The following SUMF1 variants were observed in gnomAD, a reference collection of about 807,000 sequenced individuals.
SUMF1 encodes the protein formylglycine-generating enzyme.
Under a neutral mutation model 47.6 loss-of-function variants are expected in SUMF1, and 48 were observed. The ratio of observed to expected loss-of-function variants is 1.01; its 90% CI spans 0.80 to 1.28. The LOEUF (loss-of-function observed/expected upper bound fraction) is 1.28, where lower values mean the gene tolerates loss of function less well. Among genes scored for constraint, SUMF1 ranks in the 50% most tolerant of loss-of-function variants. SUMF1 has a pLI of 0.00. For synonymous variants in SUMF1, 230 were observed against 192.1 expected (o/e 1.20, Z -1.63); for missense variants, 571 against 485.4 (o/e 1.18, Z -1.66).
At chr3:4,135,735 C>G (rs952222317) in intron 8 of SUMF1, among the ~76,000 whole-genome samples, 3 of 152,292 alleles carry the variant, frequency 2.0e-5, no homozygotes, top group Middle Eastern at 3.4e-3. Context: ...CCCATCATCT[C>G]AGCCCAAAAT....
intron 8 of SUMF1, among the ~76,000 whole-genome samples, chr3:4,207,801 A>G (rs1695685770): frequency 6.6e-6 from 1 of 152,182 alleles, no homozygotes; most frequent in African/African-American, 2.4e-5. Context: ...ACAGAAAACC[A>G]CAACTTACTA....
chr3:4,055,967 A>C (rs1695185694), intron 9 of SUMF1, among the ~76,000 whole-genome samples: 1 of 152,122 alleles, frequency 6.6e-6, no homozygotes, highest in Non-Finnish European at 1.5e-5. Context: ...CAGCAATAAC[A>C]GGCCAAGACT....
chr3:4,313,429 C>G (rs761704598), intron 8 of SUMF1: 1 of 1,613,820 alleles, frequency 6.2e-7, no homozygotes, highest in African/African-American at 1.3e-5. Flanking sequence ...TGAGCCAAAC[C>G]TTTTGATGAT....
chr3:4,064,032 G>A (rs1346799222), intron 9 of SUMF1, among the ~76,000 whole-genome samples: 1 of 152,102 alleles, frequency 6.6e-6, no homozygotes, highest in African/African-American at 2.4e-5. Context: ...AACTGAGGGT[G>A]AGATAATGGC....
intron 8 of SUMF1, among the ~76,000 whole-genome samples, chr3:4,261,137 AC>A (rs1427773132): frequency 6.6e-6 from 1 of 152,212 alleles, no homozygotes; most frequent in African/African-American, 2.4e-5. Flanking sequence ...GGAAACAAAC[AC>A]ATCTCAAGAG....
chr3:4,267,561 C>T (rs1485386844), intron 8 of SUMF1, among the ~76,000 whole-genome samples: 1 of 151,978 alleles, frequency 6.6e-6, no homozygotes, highest in Non-Finnish European at 1.5e-5. Context: ...TCTGTGGGAT[C>T]GGTGGTGGGC....
intron 8 of SUMF1, among the ~76,000 whole-genome samples, chr3:4,161,144 T>C (rs918245677): frequency 6.6e-6 from 1 of 152,142 alleles, no homozygotes; most frequent in Non-Finnish European, 1.5e-5. Context: ...AGACAGAGAC[T>C]CTTGTTCTCT....
intron 7 of SUMF1, among the ~76,000 whole-genome samples, chr3:4,392,439 A>T (rs1700898026): frequency 6.6e-6 from 1 of 151,904 alleles, no homozygotes; most frequent in Admixed American, 6.6e-5. Context: ...TTAAATACTC[A>T]TCTTCTTTAG....
chr3:4,057,436 A>G (rs993718905), intron 9 of SUMF1, among the ~76,000 whole-genome samples: 2 of 152,144 alleles, frequency 1.3e-5, no homozygotes, highest in Non-Finnish European at 2.9e-5. Context: ...AAGGAAGGAC[A>G]TGGGTAAATC....
intron 8 of SUMF1, among the ~76,000 whole-genome samples, chr3:4,129,226 G>A (rs1693729188): frequency 6.6e-6 from 1 of 152,046 alleles, no homozygotes; most frequent in African/African-American, 2.4e-5. Context: ...AATACAATGG[G>A]AAGAATTGGA....
chr3:4,413,663 G>A (rs1400455440), intron 6 of SUMF1, among the ~76,000 whole-genome samples: 2 of 151,878 alleles, frequency 1.3e-5, no homozygotes, highest in Non-Finnish European at 2.9e-5. Flanking sequence ...ATTAATCATT[G>A]TGTAACAAGC....
At chr3:4,215,710 A>C (rs1198099028) in intron 8 of SUMF1, among the ~76,000 whole-genome samples, 2 of 152,202 alleles carry the variant, frequency 1.3e-5, no homozygotes, top group South Asian at 4.1e-4. Flanking sequence ...AGGATACAAA[A>C]TCAATGTGCA....
In SUMF1 at chr3:4,207,417, G is replaced by T. The variant is rs181574966; in HGVS notation, c.1015-138672C>A. On this transcript the variant is annotated intron_variant and NMD_transcript_variant, in intron 8 of 12. Coordinates refer to the SUMF1 transcript ENST00000448413. ...TTTTTGTATCCTTTCAAATCTTAGGGTGAGAAAGCATTCAGGCTTTTAATA... is the reference window on the plus strand; with the variant it reads ...TTTTTGTATCCTTTCAAATCTTAGGTTGAGAAAGCATTCAGGCTTTTAATA... Among the ~76,000 whole-genome samples the T allele has an allele frequency of 9.9e-4, 151 of 152,256 alleles. 3 individuals are homozygous for T. The South Asian group carries it at 0.03, about 31-fold the overall frequency.
chr3:4,245,706 C>A (rs1025734548), intron 8 of SUMF1, among the ~76,000 whole-genome samples: 2 of 152,164 alleles, frequency 1.3e-5, no homozygotes, highest in African/African-American at 4.8e-5. Flanking sequence ...CAGGGACCCA[C>A]TTGAGTAGGT....
chr3:4,442,194 T>C lies in SUMF1; in HGVS notation c.519+7072A>G, dbSNP rs75418945. On this transcript the variant is annotated intron_variant, in intron 3 of 8. Coordinates refer to ENST00000272902, the MANE Select transcript of SUMF1 (RefSeq NM_182760.4). ...GAATTTTGCCCACTCCAATAAGGAG[T>C]AGGTTTAAGGGGCCCATGGTAAGAA... Among the ~76,000 whole-genome samples, 725 of 151,012 alleles carry C rather than the reference T, an allele frequency of 4.8e-3. 7 individuals are homozygous for C. Among genetic ancestry groups the C allele is most frequent in the African/African-American group, 0.017 (679 of 41,106 alleles).
chr3:4,326,699 T>G (rs1473713070), intron 8 of SUMF1, among the ~76,000 whole-genome samples: 1 of 151,978 alleles, frequency 6.6e-6, no homozygotes, highest in Non-Finnish European at 1.5e-5. Flanking sequence ...TTTTGTATTT[T>G]TAGTAGAGAT....
intron 9 of SUMF1, among the ~76,000 whole-genome samples, chr3:4,058,889 T>G (rs1695234411): frequency 6.6e-6 from 1 of 152,132 alleles, no homozygotes; most frequent in African/African-American, 2.4e-5. Context: ...ATTTTCAATT[T>G]GTGAGATGTC....
chr3:4,167,950 A>G (rs1303514516), intron 8 of SUMF1, among the ~76,000 whole-genome samples: 2 of 152,148 alleles, frequency 1.3e-5, no homozygotes, highest in Non-Finnish European at 2.9e-5. Flanking sequence ...GCCCAGCATG[A>G]AGTACAGTAT....
chr3:4,046,816 T>C (rs1695015876), intron 9 of SUMF1, among the ~76,000 whole-genome samples: 2 of 151,590 alleles, frequency 1.3e-5, no homozygotes, highest in African/African-American at 4.8e-5. Context: ...CTATTCTATA[T>C]ACCATGGCAG....
Sources: allele counts gnomAD v4.1 joint callset (sites outside exome capture counted in the v4.1 genomes callset), GRCh38; gene constraint gnomAD v4.1.1; transcripts MANE v1.5; gene names NCBI Gene and HGNC (gene_info 2026-07-23, HGNC 2026-07-21).